The following DIPK1A variants were observed in gnomAD, a reference collection of about 807,000 sequenced individuals.
DIPK1A encodes divergent protein kinase domain 1A.
In DIPK1A, 27 loss-of-function variants were observed where a neutral mutation model predicts 40.8. The ratio of observed to expected loss-of-function variants is 0.66; its 90% confidence interval spans 0.49 to 0.91. The LOEUF is 0.91. DIPK1A is among the 40% of genes least tolerant of loss of function. The pLI, the probability that DIPK1A is intolerant of heterozygous loss-of-function variation, is 0.00. For synonymous variants in DIPK1A, 166 were observed against 171.3 expected (o/e 0.97, Z 0.24); for missense variants, 412 against 505.7 (o/e 0.81, Z 1.78).
chr1:92,917,147 T>G (rs764374226), intron 1 of DIPK1A, among the ~76,000 whole-genome samples: 2 of 152,224 alleles, frequency 1.3e-5, no homozygotes, highest in Non-Finnish European at 2.9e-5. Flanking sequence ...AACTAGTTGA[T>G]GTATCATTAT....
intron 1 of DIPK1A, among the ~76,000 whole-genome samples, chr1:92,943,620 T>C (rs1651252595): frequency 6.6e-6 from 1 of 151,844 alleles, no homozygotes; most frequent in Admixed American, 6.6e-5. Flanking sequence ...AGGCTTCTAG[T>C]GTGGGTATGT....
At chr1:92,952,782 T>C (rs1315607441) in intron 1 of DIPK1A, among the ~76,000 whole-genome samples, 3 of 151,438 alleles carry the variant, frequency 2.0e-5, no homozygotes, top group African/African-American at 4.9e-5. Context: ...TAAAAAAAAA[T>C]ACAGGATCCA....
intron 1 of DIPK1A, among the ~76,000 whole-genome samples, chr1:92,904,217 A>G (rs949915): frequency 0.69 from 104,210 of 152,094 alleles, 36,216 homozygotes; most frequent in East Asian, 0.96. Flanking sequence ...TTGCACTGAG[A>G]CTATTTCTAA....
chr1:92,891,953 C>A (rs1648906547), intron 1 of DIPK1A, among the ~76,000 whole-genome samples: 1 of 152,108 alleles, frequency 6.6e-6, no homozygotes, highest in Non-Finnish European at 1.5e-5. Flanking sequence ...GGCAGCGAGG[C>A]TGGGGGAGGG....
intron 2 of DIPK1A, among the ~76,000 whole-genome samples, chr1:92,861,179 T>C (rs1647251642): frequency 6.6e-6 from 1 of 152,210 alleles, no homozygotes; most frequent in East Asian, 1.9e-4. Context: ...CATAAGATGT[T>C]GGCTGTGGGT....
downstream of DIPK1A, among the ~76,000 whole-genome samples, chr1:92,841,044 C>A (rs1345085244): frequency 6.6e-6 from 1 of 152,192 alleles, no homozygotes; most frequent in Non-Finnish European, 1.5e-5. Flanking sequence ...ATACTTAACA[C>A]TTTGTGGCAA....
chr1:92,847,449 G>T, intron 3 of DIPK1A, 90 bp from the exon 4 acceptor site: 1 of 748,592 alleles, frequency 1.3e-6, no homozygotes, highest in Non-Finnish European at 1.9e-6. Flanking sequence ...CTCCTCCTCT[G>T]AACAAAACAA....
intron 1 of DIPK1A, among the ~76,000 whole-genome samples, chr1:92,897,389 G>C (rs977132637): frequency 3.6e-4 from 54 of 152,022 alleles, no homozygotes; most frequent in Non-Finnish European, 6.6e-4. Context: ...ATCATTCTCA[G>C]CAAACTATCG....
intron 1 of DIPK1A, among the ~76,000 whole-genome samples, chr1:92,912,103 A>G (rs1649855143): frequency 1.3e-5 from 2 of 151,810 alleles, no homozygotes; most frequent in African/African-American, 4.8e-5. Context: ...TACTCTCAAC[A>G]GCAATGTATG....
rs932636705 is a variant in DIPK1A at position 92,948,627 on chromosome 1, T to C, written c.54+12749A>G. Among the ~76,000 whole-genome samples, 5 of 84,860 alleles carry C rather than the reference T, an allele frequency of 5.9e-5. No individual in the cohort carries two copies. In the East Asian group the frequency reaches 8.4e-4, roughly 14 times the overall value. 55.7% of individuals were successfully genotyped at this position (84,860 alleles called of 152,430 possible). ...TATTCATATATATATATTTATTTTA[T>C]ATTTTTTTGTATTTAATATATATAC... is the stretch of plus-strand genomic sequence containing the variant. On this transcript the variant is annotated intron_variant, in intron 1 of 4. Transcript: ENST00000370310.
At chr1:92,911,601 G>T (rs1286324363) in intron 1 of DIPK1A, among the ~76,000 whole-genome samples, 1 of 152,062 alleles carries the variant, frequency 6.6e-6, no homozygotes, top group East Asian at 1.9e-4. Flanking sequence ...CACTTTTGGG[G>T]TATTACAAAT....
chr1:92,954,732 T>C (rs1370585681), intron 1 of DIPK1A, among the ~76,000 whole-genome samples: 1 of 152,172 alleles, frequency 6.6e-6, no homozygotes, highest in Non-Finnish European at 1.5e-5. Flanking sequence ...AACAGGATGA[T>C]ATAGTGTTGC....
At chr1:92,891,357 C>T (rs1465208389) in intron 1 of DIPK1A, among the ~76,000 whole-genome samples, 2 of 151,396 alleles carry the variant, frequency 1.3e-5, no homozygotes, top group African/African-American at 2.4e-5. Context: ...TTTATTCTTG[C>T]TTTTCTAGCT....
chr1:92,839,346 G>A (rs1260452882), downstream of DIPK1A, among the ~76,000 whole-genome samples: 11 of 152,092 alleles, frequency 7.2e-5, no homozygotes, highest in African/African-American at 1.2e-4. Flanking sequence ...GCAACAGAGC[G>A]AGACTTCATG....
chr1:92,959,347 G>C (rs1255725138), intron 1 of DIPK1A, among the ~76,000 whole-genome samples: 1 of 151,818 alleles, frequency 6.6e-6, no homozygotes, highest in African/African-American at 2.4e-5. Context: ...AGTGGGGGAG[G>C]TGAAATGAAA....
chr1:92,897,959 C>A (rs965164915), intron 1 of DIPK1A, among the ~76,000 whole-genome samples: 1 of 152,052 alleles, frequency 6.6e-6, no homozygotes, highest in South Asian at 2.1e-4. Context: ...ATTAGCCATG[C>A]GTGGTGGCGT....
At chr1:92,904,417 T>C (rs1046992414) in intron 1 of DIPK1A, among the ~76,000 whole-genome samples, 1 of 152,210 alleles carries the variant, frequency 6.6e-6, no homozygotes, top group South Asian at 2.1e-4. Flanking sequence ...TTTAGGGTAA[T>C]AGGTATCTGG....
chr1:92,863,194 T>C (rs1009733800), intron 2 of DIPK1A, among the ~76,000 whole-genome samples: 1 of 152,210 alleles, frequency 6.6e-6, no homozygotes, highest in African/African-American at 2.4e-5. Flanking sequence ...CAGGGATACC[T>C]CTCATCTCTG....
intron 1 of DIPK1A, among the ~76,000 whole-genome samples, chr1:92,904,557 T>C (rs971641439): frequency 2.0e-5 from 3 of 152,144 alleles, no homozygotes; most frequent in Admixed American, 2.0e-4. Flanking sequence ...TGTATATATT[T>C]ATGAGGTACA....
Sources: allele counts gnomAD v4.1 joint callset (sites outside exome capture counted in the v4.1 genomes callset), GRCh38; gene constraint gnomAD v4.1.1; transcripts MANE v1.5; gene names NCBI Gene and HGNC (gene_info 2026-07-23, HGNC 2026-07-21).